HSPBAP1: variants seen among roughly 807,000 people sequenced by gnomAD.
HSPBAP1 encodes the protein HSPB1 associated protein 1.
A neutral mutation model predicts 45.2 loss-of-function variants in HSPBAP1; 27 were observed. That is an observed-to-expected ratio of 0.60 (90% CI 0.44 to 0.82). The LOEUF is 0.82. Ranked by LOEUF, HSPBAP1 falls within the 40% of genes least tolerant of loss-of-function variation. HSPBAP1 has a pLI of 0.00. For synonymous variants in HSPBAP1, 204 were observed against 202.7 expected (o/e 1.01, Z -0.06); for missense variants, 510 against 590.9 (o/e 0.86, Z 1.42).
At chr3:122,740,948 G>C (rs987819630) in intron 7 of HSPBAP1, 55 bp downstream of exon 7, 12 of 1,605,976 alleles carry the variant, frequency 7.5e-6, no homozygotes, top group Admixed American at 1.7e-5. Flanking sequence ...GTTCTAGTCA[G>C]GGCTGGTTTA....
At chr3:122,768,590 G>T in intron 3 of HSPBAP1, 111 bp downstream of exon 3, 1 of 695,544 alleles carries the variant, frequency 1.4e-6, no homozygotes, top group Non-Finnish European at 2.4e-6. Flanking sequence ...CAAGATTCAT[G>T]GCGATTACTT....
At chr3:122,789,966 G>GA (rs1424275323) in intron 1 of HSPBAP1, among the ~76,000 whole-genome samples, 1 of 150,030 alleles carries the variant, frequency 6.7e-6, no homozygotes, top group Non-Finnish European at 1.5e-5. Context: ...AGGTTCAAAC[G>GA]ATTCTTGTGC....
chr3:122,747,466 G>A (rs1212510561), intron 6 of HSPBAP1, among the ~76,000 whole-genome samples: 4 of 151,510 alleles, frequency 2.6e-5, no homozygotes, highest in Non-Finnish European at 4.4e-5. Context: ...CCGGCCAGCC[G>A]CCCTGTCTGG....
At chr3:122,772,615 T>C (rs1275561695) in intron 2 of HSPBAP1, among the ~76,000 whole-genome samples, 1 of 152,010 alleles carries the variant, frequency 6.6e-6, no homozygotes, top group Non-Finnish European at 1.5e-5. Flanking sequence ...GACTACCATA[T>C]ACCAAAATAA....
chr3:122,746,619 C>A (rs1257702484), intron 6 of HSPBAP1, among the ~76,000 whole-genome samples: 2 of 151,170 alleles, frequency 1.3e-5, no homozygotes, highest in African/African-American at 4.8e-5. Flanking sequence ...CCTCTCTCCT[C>A]TCTCCTCTCT....
At chr3:122,741,236 G>T in intron 6 of HSPBAP1, 123 bp from the exon 7 acceptor site, 2 of 741,414 alleles carry the variant, frequency 2.7e-6, no homozygotes, top group South Asian at 1.8e-5. Context: ...TAGAAGGAAT[G>T]AATATGCTAT....
chr3:122,787,884 C>T (rs2107544187), intron 1 of HSPBAP1, among the ~76,000 whole-genome samples: 1 of 152,280 alleles, frequency 6.6e-6, no homozygotes, highest in East Asian at 1.9e-4. Flanking sequence ...TTTGTAACCA[C>T]TATTTTAAAA....
chr3:122,741,989 C>T (rs1933687811), intron 6 of HSPBAP1, among the ~76,000 whole-genome samples: 1 of 151,674 alleles, frequency 6.6e-6, no homozygotes, highest in African/African-American at 2.4e-5. Flanking sequence ...TATTGTATAC[C>T]CTATGGACCA....
At chr3:122,785,311 A>G (rs78855912) in intron 1 of HSPBAP1, among the ~76,000 whole-genome samples, 8,241 of 152,162 alleles carry the variant, frequency 0.054, 290 homozygotes, top group Middle Eastern at 0.11. Context: ...GTCAGGCTTT[A>G]ATTCTTCTGC....
chr3:122,783,777 C>A (rs540930784), intron 1 of HSPBAP1, among the ~76,000 whole-genome samples: 183 of 151,194 alleles, frequency 1.2e-3, no homozygotes, highest in African/African-American at 4.2e-3. Context: ...GCCTTTATTA[C>A]CCATCTTTGG....
Position 122,752,615 on chromosome 3 carries a change from G to A in HSPBAP1, c.801C>T (p.Val267=). The change falls in exon 6 of 8, where the codon GTC becomes GTT. Residue 267 remains valine (V), a synonymous_variant. Coordinates refer to ENST00000306103, the MANE Select transcript of HSPBAP1 (RefSeq NM_024610.6). The part of the protein sequence containing the change: ...HYVESIDPVT[V]SINSWIELEE... ...CCAGTTCAATCCATGAGTTTATACTGACAGTGACAGGATCAATGGATTCTA... is the reference window on the plus strand; with the variant it reads ...CCAGTTCAATCCATGAGTTTATACTAACAGTGACAGGATCAATGGATTCTA... The A allele has an allele frequency of 6.3e-7, 1 of 1,592,240 alleles. No homozygotes were observed. The highest frequency in any genetic ancestry group is 8.6e-7 in the Non-Finnish European group (1 of 1,168,696).
At chr3:122,790,189 C>T (rs1235220421) in intron 1 of HSPBAP1, among the ~76,000 whole-genome samples, 1 of 151,932 alleles carries the variant, frequency 6.6e-6, no homozygotes, top group Admixed American at 6.6e-5. Flanking sequence ...TCTCCAGTAC[C>T]TTTCTCTACT....
Position 122,740,220 on chromosome 3 carries a change from C to T in HSPBAP1, c.*125G>A, listed in dbSNP as rs529461406. 1.1e-5 allele frequency: 6 copies of T among 550,652 alleles called. No individual in the cohort carries two copies. The highest frequency in any genetic ancestry group is 6.5e-5 in the East Asian group (2 of 30,564). The allele number at this position is 550,652 out of a possible 1,614,324, so 34.1% of individuals were successfully genotyped here. A position where few individuals can be genotyped will look rare whatever the true frequency, so the allele number is the denominator to read the frequency against. On this transcript the variant is annotated 3_prime_UTR_variant, in exon 8 of 8. Transcript: ENST00000306103. The stretch of plus-strand genomic sequence containing the variant: ...GGTGGCAACAGACTGACATGTAATT[C>T]GGTAAGGATAAATACATTTACAAAT...
intron 1 of HSPBAP1, among the ~76,000 whole-genome samples, chr3:122,779,805 A>T (rs1935344567): frequency 1.3e-5 from 2 of 152,094 alleles, no homozygotes; most frequent in African/African-American, 4.8e-5. Flanking sequence ...CACATGTTTC[A>T]GAGAGCACAG....
chr3:122,781,327 A>C (rs1489708657), intron 1 of HSPBAP1, among the ~76,000 whole-genome samples: 3 of 152,232 alleles, frequency 2.0e-5, no homozygotes, highest in Non-Finnish European at 2.9e-5. Context: ...CCGAGGCTGG[A>C]GGATCACTCG....
intron 1 of HSPBAP1, among the ~76,000 whole-genome samples, chr3:122,780,658 C>CG (rs1391728498): frequency 7.4e-5 from 11 of 148,634 alleles, no homozygotes; most frequent in Middle Eastern, 6.9e-3. Context: ...GGGGGCTGAC[C>CG]CCCCCACCTC....
In HSPBAP1 at chr3:122,746,297, G is replaced by T. The variant is rs899009691; in HGVS notation, c.826-5184C>A. ...TATGGATCAAAAAAAAAATCAAAAG[G>T]TTTTTTTTTTTTTTCCTAAAGCTAG... is the stretch of plus-strand genomic sequence containing the variant. On this transcript the variant is annotated intron_variant, in intron 6 of 7. Coordinates refer to ENST00000306103, the MANE Select transcript of HSPBAP1 (RefSeq NM_024610.6). Among the ~76,000 whole-genome samples, 562 of 138,682 alleles carry T rather than the reference G, an allele frequency of 4.1e-3. 2 individuals are homozygous for T. Among genetic ancestry groups the T allele is most frequent in the African/African-American group, 0.013 (475 of 37,852 alleles). 91.0% of individuals were successfully genotyped at this position (138,682 alleles called of 152,430 possible).
intron 6 of HSPBAP1, 64 bp from the exon 7 acceptor site, chr3:122,741,177 G>A (rs1282250058): frequency 2.5e-6 from 3 of 1,185,042 alleles, no homozygotes; most frequent in Admixed American, 3.6e-5. Flanking sequence ...AGATAATAAA[G>A]TCTGTTTTAA....
chr3:122,762,146 G>A (rs1934614839), intron 3 of HSPBAP1, among the ~76,000 whole-genome samples: 1 of 152,080 alleles, frequency 6.6e-6, no homozygotes, highest in Admixed American at 6.5e-5. Flanking sequence ...TACAAAATCA[G>A]TATCTACTTC....
Sources: gnomAD v4.1 joint callset for allele counts (sites outside exome capture counted in the v4.1 genomes callset) on GRCh38, gnomAD v4.1.1 for gene constraint, MANE v1.5 for transcripts, NCBI Gene and HGNC (gene_info 2026-07-23, HGNC 2026-07-21) for gene names.